PKP2: variants seen among roughly 807,000 people sequenced by gnomAD.
The protein encoded by PKP2 is plakophilin-2.
In PKP2, 73 loss-of-function variants were observed where a neutral mutation model predicts 83.4. That is an observed-to-expected ratio of 0.88 (90% CI 0.72 to 1.06). PKP2 has a LOEUF of 1.06. Ranked by LOEUF, PKP2 falls within the 50% of genes least tolerant of loss-of-function variation. PKP2 has a pLI of 0.00. For synonymous variants in PKP2, 409 were observed against 430.4 expected (o/e 0.95, Z 0.62); for missense variants, 966 against 1,065.4 (o/e 0.91, Z 1.30).
chr12:32,829,381 A>G (rs1956477296), intron 6 of PKP2, among the ~76,000 whole-genome samples: 1 of 150,890 alleles, frequency 6.6e-6, no homozygotes, highest in Non-Finnish European at 1.5e-5. Context: ...CAGCCTCCTG[A>G]GTAGCTGGGA....
intron 9 of PKP2, among the ~76,000 whole-genome samples, chr12:32,811,694 C>T (rs917172015): frequency 2.0e-5 from 3 of 152,238 alleles, no homozygotes; most frequent in Admixed American, 1.3e-4. Flanking sequence ...CTAATCTTCA[C>T]TAACTTCTGT....
At chr12:32,811,804 G>A (rs1299176943) in intron 9 of PKP2, among the ~76,000 whole-genome samples, 4 of 152,156 alleles carry the variant, frequency 2.6e-5, no homozygotes. Flanking sequence ...CCAACAGCTT[G>A]GCTTTCTGTG....
intron 5 of PKP2, among the ~76,000 whole-genome samples, chr12:32,844,408 C>T (rs1381668678): frequency 1.3e-5 from 2 of 151,972 alleles, no homozygotes; most frequent in African/African-American, 2.4e-5. Context: ...AAGCGAAACA[C>T]CAGTAGAAAA....
chr12:32,822,552 T>A lies in PKP2; in HGVS notation c.1754A>T (p.Asn585Ile). Residue 585 changes from asparagine to isoleucine, a missense_variant, in exon 8 of 13, where the codon AAT (asparagine) becomes ATT (isoleucine). Asn to Ile is a moderately radical substitution (Grantham distance 149). Transcript: ENST00000340811. ...EAELPEKYSQ[N>I]IYIQNRNIQT... ...GATATTCCGGTTTTGAATATAGATA[T>A]TCTGGGAATATTTCTCTGGGAGCTC... The A allele has an allele frequency of 6.2e-7, 1 of 1,614,084 alleles. No individual in the cohort carries two copies. The highest frequency in any genetic ancestry group is 8.5e-7 in the Non-Finnish European group (1 of 1,179,910).
chr12:32,866,664 C>T (rs963678761), intron 4 of PKP2, among the ~76,000 whole-genome samples: 52 of 150,850 alleles, frequency 3.4e-4, no homozygotes, highest in African/African-American at 1.3e-3. Flanking sequence ...CATTAAGGCT[C>T]ACTATATCAA....
intron 4 of PKP2, among the ~76,000 whole-genome samples, chr12:32,862,747 C>T (rs1956811738): frequency 6.6e-6 from 1 of 152,052 alleles, no homozygotes; most frequent in South Asian, 2.1e-4. Flanking sequence ...TCAGGAGGAC[C>T]CAAGTGGATC....
At chr12:32,818,316 T>C (rs950865645) in intron 9 of PKP2, among the ~76,000 whole-genome samples, 2 of 151,944 alleles carry the variant, frequency 1.3e-5, no homozygotes, top group African/African-American at 4.8e-5. Flanking sequence ...CAGAAATTAG[T>C]TGGGAGTGGT....
intron 10 of PKP2, among the ~76,000 whole-genome samples, chr12:32,797,650 G>A (rs2137713599): frequency 6.7e-6 from 1 of 149,712 alleles, no homozygotes; most frequent in East Asian, 2.1e-4. Context: ...CCGCCTCCCG[G>A]GTTCATGCCA....
At chr12:32,873,191 C>G (rs1842159545) in intron 3 of PKP2, among the ~76,000 whole-genome samples, 1 of 152,160 alleles carries the variant, frequency 6.6e-6, no homozygotes, top group Admixed American at 6.5e-5. Flanking sequence ...CCTGGACCTC[C>G]CAGGCTCAAG....
At chr12:32,814,769 C>G (rs1956305489) in intron 9 of PKP2, among the ~76,000 whole-genome samples, 1 of 151,914 alleles carries the variant, frequency 6.6e-6, no homozygotes, top group South Asian at 2.1e-4. Context: ...ACTAAAAGTA[C>G]AAAAAATTAG....
chr12:32,833,908 C>T (rs562321379), intron 6 of PKP2, among the ~76,000 whole-genome samples: 4 of 152,100 alleles, frequency 2.6e-5, no homozygotes, highest in Non-Finnish European at 5.9e-5. Context: ...CGTAAGTGGA[C>T]GGTCAAGAAA....
At position 32,854,238 on chromosome 12, in the gene PKP2, C is replaced by T. The variant is rs114375911; in HGVS notation, c.1171-3265G>A. On this transcript the variant is annotated intron_variant, in intron 4 of 12. Transcript: ENST00000340811. ...AAGCCTCCCCAGCTCAGACCTGCTC[C>T]CTTACCCTGTCACCTTTATCACCTT... Among the ~76,000 whole-genome samples the T allele has an allele frequency of 5.5e-3, 832 of 152,314 alleles. 10 individuals are homozygous for T. The highest frequency in any genetic ancestry group is 0.019 in the African/African-American group (778 of 41,582).
At chr12:32,879,925 T>C (rs1331006377) in intron 1 of PKP2, among the ~76,000 whole-genome samples, 2 of 151,558 alleles carry the variant, frequency 1.3e-5, no homozygotes, top group Non-Finnish European at 2.9e-5. Flanking sequence ...AAATGTTTGG[T>C]TGTTATAGTG....
chr12:32,816,634 T>C (rs915517178), intron 9 of PKP2, among the ~76,000 whole-genome samples: 1 of 152,198 alleles, frequency 6.6e-6, no homozygotes, highest in Non-Finnish European at 1.5e-5. Context: ...GAATGGTAGC[T>C]CTGTTTTAAG....
intron 9 of PKP2, among the ~76,000 whole-genome samples, chr12:32,811,641 C>G (rs565596737): frequency 6.6e-6 from 1 of 152,314 alleles, no homozygotes; most frequent in South Asian, 2.1e-4. Context: ...TCCGCACTTT[C>G]AATACATGAT....
intron 6 of PKP2, among the ~76,000 whole-genome samples, chr12:32,834,667 C>T (rs888268894): frequency 6.6e-6 from 1 of 151,924 alleles, no homozygotes; most frequent in African/African-American, 2.4e-5. Flanking sequence ...CTCTAAATTG[C>T]TTCCAGTTCT....
At chr12:32,864,606 A>AT (rs1445166506) in intron 4 of PKP2, among the ~76,000 whole-genome samples, 2 of 152,144 alleles carry the variant, frequency 1.3e-5, no homozygotes, top group Non-Finnish European at 2.9e-5. Flanking sequence ...AATTCTCTCC[A>AT]TATTGATCTA....
rs200697891 is a variant in PKP2, at chr12:32,800,044, GTTTTCCTCT to G, written c.2167+2350_2167+2358del. 5.2e-3 allele frequency among the ~76,000 whole-genome samples: 799 copies of G among 152,286 alleles called. 7 individuals carry two copies. Among genetic ancestry groups the G allele is most frequent in the African/African-American group, 0.018 (759 of 41,572 alleles). ...TTTTGTAATAGTTATTTTCATGTAT[GTTTTCCTCT>G]TTTTCCTCTAACCACTTTAGACTCT... On this transcript the variant is annotated intron_variant, in intron 10 of 12. Transcript: ENST00000340811.
chr12:32,881,838 G>A (rs1956989156), intron 1 of PKP2, among the ~76,000 whole-genome samples: 1 of 152,106 alleles, frequency 6.6e-6, no homozygotes, highest in Non-Finnish European at 1.5e-5. Context: ...TCGCGCCTAG[G>A]CTAACCCTTT....
Sources: allele counts gnomAD v4.1 joint callset (sites outside exome capture counted in the v4.1 genomes callset), GRCh38; gene constraint gnomAD v4.1.1; transcripts MANE v1.5; gene names NCBI Gene and HGNC (gene_info 2026-07-23, HGNC 2026-07-21).